BAZ2B: variants seen among roughly 807,000 people sequenced by gnomAD.
BAZ2B encodes bromodomain adjacent to zinc finger domain protein 2B.
In BAZ2B, 91 loss-of-function variants were observed where a neutral mutation model predicts 246.0. That is an observed-to-expected ratio of 0.37 (90% CI 0.31 to 0.44). The LOEUF is 0.44. BAZ2B is among the 20% of genes least tolerant of loss of function. The probability of loss-of-function intolerance (pLI) is 1.00; values close to 1 mark genes in which losing one functional copy is unlikely to be tolerated. For synonymous variants in BAZ2B, 855 were observed against 860.0 expected (o/e 0.99, Z 0.10); for missense variants, 2,332 against 2,533.7 (o/e 0.92, Z 1.71).
At chr2:159,637,685 G>T in the BAZ2B span, among the ~76,000 whole-genome samples, 1 of 152,258 alleles carries the variant, frequency 6.6e-6, no homozygotes, top group Non-Finnish European at 1.5e-5. Context: ...AGCCTCTCAA[G>T]TAGCTGGGAC....
chr2:159,347,711 C>A, intron 30 of BAZ2B, 65 bp from the exon 31 acceptor site: 2 of 1,342,554 alleles, frequency 1.5e-6, no homozygotes, highest in Non-Finnish European at 1.0e-6. Context: ...GAGACCTCTT[C>A]CAGAAAGTGA....
chr2:159,341,071 C>T (rs2066609542), intron 31 of BAZ2B, among the ~76,000 whole-genome samples: 1 of 151,956 alleles, frequency 6.6e-6, no homozygotes, highest in Admixed American at 6.6e-5. Flanking sequence ...ATTTAAAAGA[C>T]ATAGACTGGC....
At chr2:159,388,339 T>C (rs1233295955) in intron 21 of BAZ2B, among the ~76,000 whole-genome samples, 1 of 152,150 alleles carries the variant, frequency 6.6e-6, no homozygotes, top group African/African-American at 2.4e-5. Flanking sequence ...TATATGAAAT[T>C]ATGCTGGTTG....
chr2:159,343,570 T>G (rs1464143712), intron 31 of BAZ2B, among the ~76,000 whole-genome samples: 3 of 151,960 alleles, frequency 2.0e-5, no homozygotes, highest in African/African-American at 4.8e-5. Flanking sequence ...AACAATCTGA[T>G]TAAAAATGGG....
At chr2:159,339,494 T>C (rs1467392041) in intron 31 of BAZ2B, among the ~76,000 whole-genome samples, 4 of 152,166 alleles carry the variant, frequency 2.6e-5, no homozygotes, top group East Asian at 3.9e-4. Context: ...TTATCCACTA[T>C]GAAAAACAGT....
At chr2:159,553,725 A>G (rs2088678170) in intron 2 of BAZ2B, among the ~76,000 whole-genome samples, 1 of 152,242 alleles carries the variant, frequency 6.6e-6, no homozygotes, top group South Asian at 2.1e-4. Flanking sequence ...ATTAAAACAT[A>G]TATAAAGTAT....
chr2:159,431,482 A>G (rs904903062), intron 9 of BAZ2B, among the ~76,000 whole-genome samples: 5 of 152,230 alleles, frequency 3.3e-5, no homozygotes, highest in African/African-American at 1.2e-4. Context: ...GATTAAATTG[A>G]CTGTTCAAAT....
chr2:159,341,702 A>G (rs2066763197), intron 31 of BAZ2B, among the ~76,000 whole-genome samples: 1 of 152,244 alleles, frequency 6.6e-6, no homozygotes, highest in Admixed American at 6.5e-5. Flanking sequence ...ACTATAAATC[A>G]GTAACAAGAG....
In BAZ2B at chr2:159,420,764, G is replaced by T. The variant is rs570634734; in HGVS notation, c.2466+7177C>A. ...CTATTTTATTACCAAAATATGTCTA[G>T]CTCAACCTTATCTTCTTTTATTCTG... is the stretch of plus-strand genomic sequence containing the variant. On this transcript the variant is annotated intron_variant, in intron 13 of 36. Coordinates refer to ENST00000392783, the MANE Select transcript of BAZ2B (RefSeq NM_013450.4). Among the ~76,000 whole-genome samples, 11 of 152,228 alleles carry T rather than the reference G, an allele frequency of 7.2e-5. No homozygotes were observed. The East Asian group carries it at 1.9e-3, about 27-fold the overall frequency.
At chr2:159,342,560 A>C (rs1396940345) in intron 31 of BAZ2B, among the ~76,000 whole-genome samples, 1 of 152,210 alleles carries the variant, frequency 6.6e-6, no homozygotes, top group Non-Finnish European at 1.5e-5. Context: ...TTCTGGGATT[A>C]CAGGCATGAG....
chr2:159,568,113 G>A (rs562199634), intron 1 of BAZ2B, among the ~76,000 whole-genome samples: 4 of 152,142 alleles, frequency 2.6e-5, no homozygotes, highest in East Asian at 1.9e-4. Flanking sequence ...ATCTAATTCC[G>A]GAACATTTTA....
chr2:159,388,824 T>C (rs1270846760), intron 21 of BAZ2B, among the ~76,000 whole-genome samples: 1 of 152,024 alleles, frequency 6.6e-6, no homozygotes, highest in Non-Finnish European at 1.5e-5. Context: ...CCCAGAACTT[T>C]GGGAGGCTGA....
At chr2:159,459,222 C>G (rs1040076612) in intron 3 of BAZ2B, 1 of 152,162 alleles carries the variant, frequency 6.6e-6, no homozygotes, top group Non-Finnish European at 1.5e-5. Flanking sequence ...ATGAAGGAAA[C>G]AGCCATTTTT....
the BAZ2B span, among the ~76,000 whole-genome samples, chr2:159,628,125 C>A: frequency 6.6e-6 from 1 of 152,058 alleles, no homozygotes; most frequent in African/African-American, 2.4e-5. Flanking sequence ...ATGTGAAGGA[C>A]CTCTTCAAGG....
At chr2:159,698,618 C>G in the BAZ2B span, among the ~76,000 whole-genome samples, 26 of 151,598 alleles carry the variant, frequency 1.7e-4, no homozygotes, top group East Asian at 3.5e-3. Context: ...TTTTTCTCCT[C>G]AATATAAAAA....
the BAZ2B span, among the ~76,000 whole-genome samples, chr2:159,653,862 C>A: frequency 1.3e-5 from 2 of 152,010 alleles, no homozygotes; most frequent in African/African-American, 4.8e-5. Flanking sequence ...TTTGGTTGAG[C>A]CTATAGAATA....
intron 2 of BAZ2B, among the ~76,000 whole-genome samples, chr2:159,492,507 C>T (rs2080616118): frequency 1.3e-5 from 2 of 152,176 alleles, no homozygotes; most frequent in Non-Finnish European, 2.9e-5. Context: ...GAGTAGAAAT[C>T]ATGTTTTTAG....
intron 3 of BAZ2B, among the ~76,000 whole-genome samples, chr2:159,455,788 T>TTTG (rs869265206): frequency 1.2e-4 from 16 of 128,472 alleles, no homozygotes; most frequent in Non-Finnish European, 1.7e-5. Flanking sequence ...TTTTTTTTTT[T>TTTG]GGCAAATTCT....
the BAZ2B span, among the ~76,000 whole-genome samples, chr2:159,660,651 C>T: frequency 2.0e-5 from 3 of 152,066 alleles, no homozygotes; most frequent in Non-Finnish European, 4.4e-5. Flanking sequence ...ACTCTGTTGC[C>T]CAGGCTGGCA....
Sources: allele counts gnomAD v4.1 joint callset (sites outside exome capture counted in the v4.1 genomes callset), GRCh38; gene constraint gnomAD v4.1.1; transcripts MANE v1.5; gene names NCBI Gene and HGNC (gene_info 2026-07-23, HGNC 2026-07-21).